Variants in CADM2 observed in about 807,000 individuals in gnomAD.
CADM2 encodes the protein immunoglobulin superfamily member 4D.
In CADM2, 12 loss-of-function variants were observed where a neutral mutation model predicts 49.8. The ratio of observed to expected loss-of-function variants is 0.24; its 90% CI spans 0.15 to 0.39. The LOEUF (loss-of-function observed/expected upper bound fraction) is 0.39, where lower values mean the gene tolerates loss of function less well. Ranked by LOEUF, CADM2 falls within the 10% of genes least tolerant of loss-of-function variation. The pLI is 1.00. For synonymous variants in CADM2, 214 were observed against 175.4 expected (o/e 1.22, Z -1.74); for missense variants, 378 against 492.3 (o/e 0.77, Z 2.20).
At chr3:85,910,890 T>G (rs1717495120) in intron 5 of CADM2, among the ~76,000 whole-genome samples, 1 of 152,106 alleles carries the variant, frequency 6.6e-6, no homozygotes, top group Admixed American at 6.5e-5. Flanking sequence ...GTCATACTTC[T>G]GAAATAAGTG....
At chr3:85,212,841 TC>T (rs1391388755) in intron 1 of CADM2, among the ~76,000 whole-genome samples, 1 of 114,260 alleles carries the variant, frequency 8.8e-6, no homozygotes, top group African/African-American at 4.0e-5. Flanking sequence ...TTTCTTTCTT[TC>T]TTTCTTTCTT....
At chr3:85,402,337 T>C (rs545043050) in intron 1 of CADM2, among the ~76,000 whole-genome samples, 2 of 152,142 alleles carry the variant, frequency 1.3e-5, no homozygotes, top group East Asian at 3.9e-4. Context: ...TATAAGATAA[T>C]ATTTAAGTTA....
At chr3:85,639,707 C>T (rs1216704925) in intron 1 of CADM2, among the ~76,000 whole-genome samples, 3 of 152,176 alleles carry the variant, frequency 2.0e-5, no homozygotes, top group Non-Finnish European at 2.9e-5. Context: ...ATTTGGAGAA[C>T]GGCTTCTAAT....
chr3:85,388,632 A>C lies in CADM2; in HGVS notation c.62-337890A>C, dbSNP rs1414711099. ...GGAAGCAGTGCAATGTGTGGGATAC[A>C]CAAGCTCTGATTATGAGGAACAACA... is the stretch of plus-strand genomic sequence containing the variant. On this transcript the variant is annotated intron_variant, in intron 1 of 9. Transcript: ENST00000383699. 2.6e-5 allele frequency among the ~76,000 whole-genome samples: 4 copies of C among 152,122 alleles called. No individual in the cohort carries two copies. In the East Asian group the frequency reaches 7.7e-4, roughly 29 times the overall value.
chr3:85,777,553 C>T (rs1188911146), intron 2 of CADM2, among the ~76,000 whole-genome samples: 1 of 152,118 alleles, frequency 6.6e-6, no homozygotes, highest in African/African-American at 2.4e-5. Context: ...TGCACCTGGC[C>T]TGCTATATTT....
intron 1 of CADM2, among the ~76,000 whole-genome samples, chr3:85,026,286 T>C (rs1160822636): frequency 1.3e-5 from 2 of 152,178 alleles, no homozygotes; most frequent in African/African-American, 4.8e-5. Flanking sequence ...CACTTATATG[T>C]TCAAATTGTT....
At chr3:85,658,203 A>G (rs1001221713) in intron 1 of CADM2, among the ~76,000 whole-genome samples, 6 of 152,052 alleles carry the variant, frequency 3.9e-5, no homozygotes, top group African/African-American at 1.4e-4. Context: ...TTCTTCCCCA[A>G]AAGGGAAATT....
intron 1 of CADM2, among the ~76,000 whole-genome samples, chr3:85,288,131 C>A (rs532259742): frequency 4.6e-5 from 7 of 152,008 alleles, no homozygotes; most frequent in Non-Finnish European, 1.0e-4. Context: ...TCAGATCAGG[C>A]ACTTACTAAT....
chr3:85,845,216 T>C (rs2074826834), intron 3 of CADM2, among the ~76,000 whole-genome samples: 1 of 150,674 alleles, frequency 6.6e-6, no homozygotes, highest in Non-Finnish European at 1.5e-5. Flanking sequence ...AGGCACCATC[T>C]GATGTCCAAG....
chr3:85,572,301 A>G (rs541705663), intron 1 of CADM2, among the ~76,000 whole-genome samples: 3 of 152,258 alleles, frequency 2.0e-5, no homozygotes, highest in African/African-American at 4.8e-5. Flanking sequence ...GTAAATAAAA[A>G]ATAAATAAAC....
chr3:85,651,801 T>A (rs1293808992), intron 1 of CADM2, among the ~76,000 whole-genome samples: 1 of 150,948 alleles, frequency 6.6e-6, no homozygotes, highest in Non-Finnish European at 1.5e-5. Flanking sequence ...ATCTATCGAC[T>A]AAACTTAATT....
intron 1 of CADM2, among the ~76,000 whole-genome samples, chr3:85,662,400 T>G (rs1168892211): frequency 6.6e-6 from 1 of 152,012 alleles, no homozygotes; most frequent in Non-Finnish European, 1.5e-5. Flanking sequence ...ATGATATCTT[T>G]GCCTTAAGTA....
At chr3:85,098,876 A>C (rs1289419208) in intron 1 of CADM2, among the ~76,000 whole-genome samples, 1 of 152,216 alleles carries the variant, frequency 6.6e-6, no homozygotes, top group Non-Finnish European at 1.5e-5. Context: ...TTCATGGATC[A>C]ACTGTAATTT....
rs1332967985 is a variant in CADM2, at chr3:85,652,825, T to C, written c.62-73697T>C. 2.4e-5 allele frequency among the ~76,000 whole-genome samples: 3 copies of C among 125,274 alleles called. No individual in the cohort carries two copies. The Admixed American group carries it at 2.8e-4, about 12-fold the overall frequency. 82.2% of individuals were successfully genotyped at this position (125,274 alleles called of 152,430 possible). On this transcript the variant is annotated intron_variant, in intron 1 of 9. Transcript: ENST00000383699. Reference sequence around the variant, plus strand: ...CAGAGTCTTGCTCTGTTGCCCAAGCTGGAGTGCAATGACATGATCTCGGTT... The same window carrying C: ...CAGAGTCTTGCTCTGTTGCCCAAGCCGGAGTGCAATGACATGATCTCGGTT...
intron 1 of CADM2, among the ~76,000 whole-genome samples, chr3:85,685,903 C>T (rs2066197917): frequency 6.6e-6 from 1 of 152,140 alleles, no homozygotes; most frequent in African/African-American, 2.4e-5. Flanking sequence ...GGATTACAGG[C>T]ATGGGCCACC....
chr3:85,376,500 T>C (rs1490751578), intron 1 of CADM2, among the ~76,000 whole-genome samples: 1 of 152,072 alleles, frequency 6.6e-6, no homozygotes, highest in Non-Finnish European at 1.5e-5. Flanking sequence ...AACTAAGCCA[T>C]TGAAACTAAT....
chr3:86,009,107 GTATAAATATATATATA>G, intron 8 of CADM2, among the ~76,000 whole-genome samples: 1 of 143,410 alleles, frequency 7.0e-6, no homozygotes. Context: ...GTGTGTGTGT[GTATAAATATATATATA>G]TGTGTATATA....
At chr3:85,716,667 T>C (rs2107753187) in intron 1 of CADM2, among the ~76,000 whole-genome samples, 1 of 152,312 alleles carries the variant, frequency 6.6e-6, no homozygotes, top group African/African-American at 2.4e-5. Context: ...CTTGAGTTAA[T>C]TTTTGTTAAG....
At position 85,073,015 on chromosome 3, in the gene CADM2, G is replaced by T. The variant is rs183954858; in HGVS notation, c.61+113347G>T. Among the ~76,000 whole-genome samples the T allele has an allele frequency of 3.3e-3, 500 of 152,100 alleles. 3 individuals are homozygous for T. The highest frequency in any genetic ancestry group is 7.5e-3 in the Admixed American group (114 of 15,278). ...AACATTTAAAAAATTGTTTTTCATT[G>T]TAAGACTCTATTTTGACTATCTTAC... On this transcript the variant is annotated intron_variant, in intron 1 of 9. Coordinates refer to ENST00000383699, the MANE Select transcript of CADM2 (RefSeq NM_001167675.2).
Sources: gnomAD v4.1 joint callset for allele counts (sites outside exome capture counted in the v4.1 genomes callset) on GRCh38, gnomAD v4.1.1 for gene constraint, MANE v1.5 for transcripts, NCBI Gene and HGNC (gene_info 2026-07-23, HGNC 2026-07-21) for gene names.